Variants in PTPN1 observed in about 807,000 individuals in gnomAD.
PTPN1 encodes protein tyrosine phosphatase non-receptor type 1, also known as tyrosine-protein phosphatase non-receptor type 1.
Under a neutral mutation model 59.9 loss-of-function variants are expected in PTPN1, and 12 were observed. The observed-to-expected ratio is 0.20, with a 90% CI of 0.13 to 0.32. The LOEUF (loss-of-function observed/expected upper bound fraction) is 0.32. PTPN1 is among the 10% of genes least tolerant of loss of function. The pLI is 1.00. For synonymous variants in PTPN1, 178 were observed against 203.6 expected (o/e 0.87, Z 1.07); for missense variants, 356 against 549.2 (o/e 0.65, Z 3.52).
rs1267709565 is a variant in PTPN1 at position 50,510,524 on chromosome 20, C to T, written c.-4C>T. 5 of 1,549,766 alleles carry T rather than the reference C, an allele frequency of 3.2e-6. No individual in the cohort carries two copies. The highest frequency in any genetic ancestry group is 2.7e-5 in the African/African-American group (2 of 72,892). On this transcript the variant is annotated 5_prime_UTR_variant, in exon 1 of 10. Coordinates refer to ENST00000371621, the MANE Select transcript of PTPN1 (RefSeq NM_002827.4). ...AGGAGGCGCAGCAGCCGCCCTGGCC[C>T]GTCATGGAGATGGAAAAGGAGTTCG... is the stretch of plus-strand genomic sequence containing the variant.
chr20:50,517,702 CAG>C (rs2082534891), intron 1 of PTPN1, among the ~76,000 whole-genome samples: 1 of 152,160 alleles, frequency 6.6e-6, no homozygotes, highest in Non-Finnish European at 1.5e-5. Context: ...AATATGGACT[CAG>C]AGTAAACATG....
intron 1 of PTPN1, among the ~76,000 whole-genome samples, chr20:50,556,467 G>T (rs982322074): frequency 6.6e-6 from 1 of 152,138 alleles, no homozygotes; most frequent in African/African-American, 2.4e-5. Context: ...TGGGATTACA[G>T]ATGTGAACCA....
chr20:50,569,234 G>C (rs1321432552), intron 4 of PTPN1, among the ~76,000 whole-genome samples: 1 of 152,206 alleles, frequency 6.6e-6, no homozygotes, highest in Admixed American at 6.5e-5. Context: ...AATACATGGT[G>C]TGGCTTACGG....
intron 1 of PTPN1, among the ~76,000 whole-genome samples, chr20:50,551,738 A>G (rs1416693480): frequency 2.6e-5 from 4 of 152,186 alleles, no homozygotes; most frequent in South Asian, 2.1e-4. Context: ...TAAAATTTCT[A>G]ATTTAGTGTG....
chr20:50,542,768 A>G (rs1036526452), intron 1 of PTPN1, among the ~76,000 whole-genome samples: 9 of 152,236 alleles, frequency 5.9e-5, no homozygotes, highest in African/African-American at 2.2e-4. Context: ...AAAATTGATC[A>G]TATGTTATTA....
intron 1 of PTPN1, among the ~76,000 whole-genome samples, chr20:50,556,135 TTAGG>T (rs958484566): frequency 2.6e-4 from 40 of 152,212 alleles, no homozygotes; most frequent in African/African-American, 9.6e-4. Flanking sequence ...TTATTTACTC[TTAGG>T]TAGGTTTGTA....
chr20:50,555,255 A>G (rs1160152512), intron 1 of PTPN1, among the ~76,000 whole-genome samples: 1 of 152,230 alleles, frequency 6.6e-6, no homozygotes, highest in Non-Finnish European at 1.5e-5. Context: ...TAACAGTATC[A>G]GGAAGAAAAA....
chr20:50,532,621 A>G (rs1458775479), intron 1 of PTPN1, among the ~76,000 whole-genome samples: 1 of 152,178 alleles, frequency 6.6e-6, no homozygotes, highest in African/African-American at 2.4e-5. Flanking sequence ...ATTCCCCCAT[A>G]GAACTATGTT....
intron 1 of PTPN1, among the ~76,000 whole-genome samples, chr20:50,533,589 T>C (rs779828130): frequency 1.9e-4 from 29 of 152,306 alleles, no homozygotes; most frequent in Non-Finnish European, 3.7e-4. Context: ...TCTTTTCAGC[T>C]GGCTCGTCGA....
chr20:50,511,376 C>G (rs2122712879), intron 1 of PTPN1, among the ~76,000 whole-genome samples: 1 of 152,270 alleles, frequency 6.6e-6, no homozygotes, highest in South Asian at 2.1e-4. Flanking sequence ...GAGACATTTG[C>G]TTTGTGAGCT....
intron 4 of PTPN1, chr20:50,570,984 T>G (rs1204969893): frequency 6.6e-6 from 1 of 152,264 alleles, no homozygotes; most frequent in Non-Finnish European, 1.5e-5. Context: ...TAGCATTTGC[T>G]TCTTATTTAT....
At chr20:50,571,004 G>GCTAA (rs2082805778) in intron 4 of PTPN1, 1 of 152,232 alleles carries the variant, frequency 6.6e-6, no homozygotes, top group African/African-American at 2.4e-5. Flanking sequence ...TTTCTTTGTT[G>GCTAA]CTAAGTGTTT....
chr20:50,546,397 CT>C (rs1344566013), intron 1 of PTPN1, among the ~76,000 whole-genome samples: 1 of 152,122 alleles, frequency 6.6e-6, no homozygotes, highest in East Asian at 1.9e-4. Context: ...CCCAGATTGT[CT>C]TTTTATTGTT....
chr20:50,542,080 A>C (rs2082655551), intron 1 of PTPN1, among the ~76,000 whole-genome samples: 1 of 152,232 alleles, frequency 6.6e-6, no homozygotes. Context: ...CTGACCCATC[A>C]ACACTTGGCA....
chr20:50,581,160 C>G (rs2082866317), intron 8 of PTPN1, 105 bp from the exon 9 acceptor site: 1 of 1,471,248 alleles, frequency 6.8e-7, no homozygotes, highest in African/African-American at 1.4e-5. Context: ...CCAACTCTGT[C>G]TACACGTGGC....
intron 1 of PTPN1, among the ~76,000 whole-genome samples, chr20:50,546,017 G>T (rs2082674149): frequency 6.6e-6 from 1 of 152,026 alleles, no homozygotes; most frequent in South Asian, 2.1e-4. Context: ...CACTCTAGGT[G>T]ACAGAGCGAG....
chr20:50,516,372 G>C (rs1014537328), intron 1 of PTPN1, among the ~76,000 whole-genome samples: 11 of 152,130 alleles, frequency 7.2e-5, no homozygotes, highest in Non-Finnish European at 1.5e-4. Context: ...CATACTAACA[G>C]TGCTGAGTGA....
intron 1 of PTPN1, among the ~76,000 whole-genome samples, chr20:50,519,937 T>G (rs2082544016): frequency 1.3e-5 from 2 of 152,228 alleles, no homozygotes; most frequent in Non-Finnish European, 2.9e-5. Context: ...TTGTATCCTT[T>G]GCCATTAAAA....
At chr20:50,516,831 A>G (rs189524232) in intron 1 of PTPN1, among the ~76,000 whole-genome samples, 292 of 152,342 alleles carry the variant, frequency 1.9e-3, no homozygotes, top group Middle Eastern at 6.8e-3. Context: ...TATGCAAAGA[A>G]TAGTTGCCCT....
Sources: gnomAD v4.1 joint callset for allele counts (sites outside exome capture counted in the v4.1 genomes callset) on GRCh38, gnomAD v4.1.1 for gene constraint, MANE v1.5 for transcripts, NCBI Gene and HGNC (gene_info 2026-07-23, HGNC 2026-07-21) for gene names.